The following STXBP5L variants were observed in gnomAD, a reference collection of about 807,000 sequenced individuals.
STXBP5L encodes the protein syntaxin-binding protein 5-like.
Under a neutral mutation model 144.5 loss-of-function variants are expected in STXBP5L, and 65 were observed. The observed-to-expected ratio is 0.45, with a 90% CI of 0.37 to 0.55. STXBP5L has a LOEUF of 0.55. Ranked by LOEUF, STXBP5L falls within the 20% of genes least tolerant of loss-of-function variation. STXBP5L has a pLI of 0.00. For synonymous variants in STXBP5L, 505 were observed against 469.6 expected (o/e 1.08, Z -0.97); for missense variants, 1,298 against 1,405.5 (o/e 0.92, Z 1.22).
intron 5 of STXBP5L, among the ~76,000 whole-genome samples, chr3:121,058,706 T>A (rs1948619901): frequency 6.6e-6 from 1 of 152,252 alleles, no homozygotes; most frequent in Admixed American, 6.5e-5. Context: ...TGGTTTTGAT[T>A]TGCATTTCTC....
intron 5 of STXBP5L, among the ~76,000 whole-genome samples, chr3:121,054,486 A>G (rs1948295865): frequency 6.6e-6 from 1 of 151,144 alleles, no homozygotes; most frequent in Non-Finnish European, 1.5e-5. Context: ...AACTATCACA[A>G]GGACAAGAAA....
At chr3:121,037,386 C>G (rs1414912605) in intron 3 of STXBP5L, among the ~76,000 whole-genome samples, 1 of 151,826 alleles carries the variant, frequency 6.6e-6, no homozygotes. Flanking sequence ...TATCTGGGAT[C>G]ACAGGTATGT....
At chr3:121,050,620 C>G (rs1380669203) in intron 5 of STXBP5L, among the ~76,000 whole-genome samples, 2 of 152,174 alleles carry the variant, frequency 1.3e-5, no homozygotes, top group Admixed American at 6.5e-5. Context: ...GTACCAGCCA[C>G]TGCAAAAATA....
intron 2 of STXBP5L, among the ~76,000 whole-genome samples, chr3:120,913,512 A>G (rs1683977): frequency 6.6e-6 from 1 of 152,074 alleles, no homozygotes; most frequent in Non-Finnish European, 1.5e-5. Context: ...GCAGAGAGCA[A>G]TTACTACTTA....
At chr3:121,052,136 G>A (rs966045834) in intron 5 of STXBP5L, among the ~76,000 whole-genome samples, 12 of 152,086 alleles carry the variant, frequency 7.9e-5, no homozygotes, top group Non-Finnish European at 1.6e-4. Flanking sequence ...ATTCACAACC[G>A]AATTCTACCC....
At chr3:120,992,900 C>G (rs868135854) in intron 3 of STXBP5L, among the ~76,000 whole-genome samples, 9 of 152,078 alleles carry the variant, frequency 5.9e-5, no homozygotes, top group Non-Finnish European at 4.4e-5. Flanking sequence ...AATGCCTATA[C>G]TAATTTACAC....
intron 18 of STXBP5L, among the ~76,000 whole-genome samples, chr3:121,270,664 G>T (rs1285411474): frequency 6.6e-6 from 1 of 152,114 alleles, no homozygotes; most frequent in East Asian, 1.9e-4. Flanking sequence ...CGTTGACCAG[G>T]CTGGCCTTGA....
chr3:121,286,886 T>G (rs2051251442), intron 19 of STXBP5L, among the ~76,000 whole-genome samples: 1 of 151,732 alleles, frequency 6.6e-6, no homozygotes, highest in South Asian at 2.1e-4. Flanking sequence ...GCATTTACTA[T>G]GGCAAGATAA....
At chr3:121,100,725 G>A (rs1040522371) in intron 5 of STXBP5L, among the ~76,000 whole-genome samples, 7 of 151,278 alleles carry the variant, frequency 4.6e-5, no homozygotes, top group African/African-American at 9.7e-5. Flanking sequence ...AGCTAGCATC[G>A]GAAAAGAAAG....
chr3:121,079,064 A>G (rs1014621106), intron 5 of STXBP5L, among the ~76,000 whole-genome samples: 2 of 152,222 alleles, frequency 1.3e-5, no homozygotes, highest in African/African-American at 2.4e-5. Context: ...CAGGCAGAGG[A>G]GGCGCCCAGA....
intron 24 of STXBP5L, among the ~76,000 whole-genome samples, chr3:121,415,185 G>C (rs1362543544): frequency 6.6e-6 from 1 of 152,138 alleles, no homozygotes; most frequent in Non-Finnish European, 1.5e-5. Context: ...ACTTTGGTCT[G>C]CTTTAGAAAA....
At chr3:121,082,377 T>A (rs988162954) in intron 5 of STXBP5L, among the ~76,000 whole-genome samples, 6 of 152,222 alleles carry the variant, frequency 3.9e-5, no homozygotes, top group Non-Finnish European at 2.9e-5. Flanking sequence ...GTGGTATTTT[T>A]AAATTTTGTT....
At chr3:121,000,279 T>C (rs192334182) in intron 3 of STXBP5L, among the ~76,000 whole-genome samples, 3 of 152,316 alleles carry the variant, frequency 2.0e-5, no homozygotes, top group African/African-American at 7.2e-5. Flanking sequence ...AAAAATTCCA[T>C]ATATCTTATA....
Position 121,413,178 on chromosome 3 carries a change from T to C in STXBP5L, c.2969T>C (p.Met990Thr). The change falls in exon 24 of 27, where the codon ATG (methionine) becomes ACG (threonine). Residue 990 changes from methionine (M) to threonine (T), a missense_variant. Met to Thr is a moderately conservative substitution (Grantham distance 81). Transcript: ENST00000471454. ...TTCAGCCTACCTAGTCTTCGCCCAA[T>C]GTTGGATGTTAATTATTTGCCACTG... The part of the protein sequence containing the change: ...MIMSLPSLRP[M>T]LDVNYLPLTD... 6.2e-7 allele frequency: 1 copy of C among 1,602,168 alleles called. No homozygotes were observed. Among genetic ancestry groups the C allele is most frequent in the Non-Finnish European group, 8.5e-7 (1 of 1,176,016 alleles).
chr3:120,999,319 C>T (rs1416546840), intron 3 of STXBP5L, among the ~76,000 whole-genome samples: 2 of 152,190 alleles, frequency 1.3e-5, no homozygotes, highest in African/African-American at 4.8e-5. Flanking sequence ...TTCCAAAGTG[C>T]TGAGATTACA....
At chr3:121,381,147 G>A (rs2046313273) in intron 21 of STXBP5L, 146 bp from the exon 22 acceptor site, 1 of 743,600 alleles carries the variant, frequency 1.3e-6, no homozygotes, top group Admixed American at 3.5e-5. Context: ...ATAAGCTGGT[G>A]AACTGGATAA....
At chr3:121,082,362 T>C (rs1306244199) in intron 5 of STXBP5L, among the ~76,000 whole-genome samples, 1 of 152,184 alleles carries the variant, frequency 6.6e-6, no homozygotes, top group African/African-American at 2.4e-5. Context: ...TTTTTTTGAT[T>C]GTGAGTGGTA....
intron 6 of STXBP5L, among the ~76,000 whole-genome samples, chr3:121,120,500 C>A (rs1403931462): frequency 2.0e-5 from 3 of 151,120 alleles, no homozygotes; most frequent in Admixed American, 6.6e-5. Context: ...CTATGTTTTG[C>A]CATAGTATTA....
chr3:121,110,253 T>C (rs1034176052), intron 5 of STXBP5L, among the ~76,000 whole-genome samples: 1 of 152,342 alleles, frequency 6.6e-6, no homozygotes, highest in Non-Finnish European at 1.5e-5. Flanking sequence ...GTCATCATGA[T>C]GCCAACTGGT....
Sources: allele counts gnomAD v4.1 joint callset (sites outside exome capture counted in the v4.1 genomes callset), GRCh38; gene constraint gnomAD v4.1.1; transcripts MANE v1.5; gene names NCBI Gene and HGNC (gene_info 2026-07-23, HGNC 2026-07-21).